Variants in COL19A1 observed in about 807,000 individuals in gnomAD.
COL19A1 encodes collagen alpha-1(XIX) chain.
A neutral mutation model predicts 190.2 loss-of-function variants in COL19A1; 159 were observed. The observed-to-expected ratio is 0.84, with a 90% CI of 0.73 to 0.95. The LOEUF is 0.95. Among genes scored for constraint, COL19A1 ranks in the 40% least tolerant of loss-of-function variants. COL19A1 has a pLI of 0.00. For missense variants in COL19A1, 1,418 were observed against 1,431.9 expected, an observed-to-expected ratio of 0.99 and a Z score of 0.16; for synonymous variants, 509 against 458.9, an observed-to-expected ratio of 1.11 and a Z score of -1.39.
intron 9 of COL19A1, among the ~76,000 whole-genome samples, chr6:69,942,249 CAT>C (rs1351588481): frequency 2.6e-5 from 4 of 152,082 alleles, no homozygotes; most frequent in Admixed American, 6.6e-5. Flanking sequence ...TGTTAATTGA[CAT>C]AACAATTATA....
intron 15 of COL19A1, among the ~76,000 whole-genome samples, chr6:70,096,807 A>G (rs1783304966): frequency 6.6e-6 from 1 of 152,158 alleles, no homozygotes; most frequent in African/African-American, 2.4e-5. Flanking sequence ...CAGCATCAGC[A>G]TTACTGCAAA....
rs113889038 is a variant in COL19A1 at position 69,930,863 on chromosome 6, A to T, written c.666+1163A>T. ...CCACAATTTGAGGCTAAAGAATATCACGTGAATCCTTATAAAAAGGATATA... is the reference window on the plus strand; with the variant it reads ...CCACAATTTGAGGCTAAAGAATATCTCGTGAATCCTTATAAAAAGGATATA... On this transcript the variant is annotated intron_variant, in intron 6 of 50. Transcript: ENST00000620364. Among the ~76,000 whole-genome samples the T allele has an allele frequency of 2.3e-3, 347 of 152,180 alleles. 2 individuals are homozygous for T. The highest frequency in any genetic ancestry group is 8.0e-3 in the African/African-American group (332 of 41,520).
At chr6:70,177,436 C>T (rs1765884382) in intron 42 of COL19A1, among the ~76,000 whole-genome samples, 1 of 152,078 alleles carries the variant, frequency 6.6e-6, no homozygotes, top group Non-Finnish European at 1.5e-5. Flanking sequence ...TGCCATCCCA[C>T]AAAGTGCTCA....
chr6:69,998,071 T>A (rs1777026407), intron 11 of COL19A1, among the ~76,000 whole-genome samples: 1 of 152,064 alleles, frequency 6.6e-6, no homozygotes, highest in African/African-American at 2.4e-5. Flanking sequence ...AATGACATAC[T>A]CAAAGTGCAA....
At chr6:69,937,692 G>GATTAAGGGAAAC (rs1174532657) in intron 8 of COL19A1, among the ~76,000 whole-genome samples, 1 of 152,104 alleles carries the variant, frequency 6.6e-6, no homozygotes, top group African/African-American at 2.4e-5. Flanking sequence ...TGGGGTGAAA[G>GATTAAGGGAAAC]TTTAAGGGAA....
intron 37 of COL19A1, among the ~76,000 whole-genome samples, chr6:70,167,811 G>T (rs984802348): frequency 6.6e-6 from 1 of 152,272 alleles, no homozygotes; most frequent in African/African-American, 2.4e-5. Context: ...TTCAGGTGTA[G>T]CTCACACTCC....
At chr6:70,200,163 A>G (rs1022108800) in intron 49 of COL19A1, among the ~76,000 whole-genome samples, 1 of 152,182 alleles carries the variant, frequency 6.6e-6, no homozygotes, top group Admixed American at 6.5e-5. Context: ...TCAACGACAA[A>G]TAGTTATTTG....
At chr6:70,189,298 A>G (rs1482174734) in intron 47 of COL19A1, among the ~76,000 whole-genome samples, 1 of 152,216 alleles carries the variant, frequency 6.6e-6, no homozygotes, top group African/African-American at 2.4e-5. Flanking sequence ...CCTACCCAAG[A>G]ATGTTTATAA....
At chr6:69,936,081 T>A (rs984866116) in intron 7 of COL19A1, among the ~76,000 whole-genome samples, 1 of 152,112 alleles carries the variant, frequency 6.6e-6, no homozygotes, top group Admixed American at 6.6e-5. Flanking sequence ...GTCTGGTACA[T>A]GATGTTGAGA....
intron 9 of COL19A1, among the ~76,000 whole-genome samples, chr6:69,940,696 C>T (rs560001625): frequency 6.6e-6 from 1 of 152,272 alleles, no homozygotes; most frequent in African/African-American, 2.4e-5. Context: ...ATAATCTACA[C>T]AACGAATAAC....
At position 69,879,665 on chromosome 6, in the gene COL19A1, A is replaced by C. The variant is rs1466455667; in HGVS notation, c.91+7A>C. ...ACCGTTAGGGACAAGACAGGTATCC[A>C]GGCCAACTCTTTGCCTAATCACCAA... On this transcript the variant is annotated splice_region_variant and intron_variant, in intron 2 of 50. Coordinates refer to ENST00000620364, the MANE Select transcript of COL19A1 (RefSeq NM_001858.6). 1 of 1,613,530 alleles carries C rather than the reference A, an allele frequency of 6.2e-7. No homozygotes were observed. The highest frequency in any genetic ancestry group is 1.7e-5 in the Admixed American group (1 of 60,004).
At chr6:69,998,437 G>C (rs374562238) in intron 11 of COL19A1, among the ~76,000 whole-genome samples, 1 of 151,850 alleles carries the variant, frequency 6.6e-6, no homozygotes, top group African/African-American at 2.4e-5. Flanking sequence ...CTGAGATCAG[G>C]AGTTCGAGAC....
chr6:70,130,411 A>C (rs1234037621), intron 18 of COL19A1, among the ~76,000 whole-genome samples, 188 bp downstream of exon 18: 1 of 152,212 alleles, frequency 6.6e-6, no homozygotes, highest in Non-Finnish European at 1.5e-5. Context: ...TTTTTAGTAG[A>C]GACAGAGTTT....
intron 18 of COL19A1, among the ~76,000 whole-genome samples, chr6:70,135,658 A>G (rs1237054564): frequency 6.6e-6 from 1 of 152,188 alleles, no homozygotes. Flanking sequence ...CAGCCAGCAA[A>G]GAGACCGGAA....
intron 15 of COL19A1, among the ~76,000 whole-genome samples, chr6:70,090,907 C>T (rs570597693): frequency 6.6e-6 from 1 of 152,106 alleles, no homozygotes. Context: ...AGAATTTGTT[C>T]TTGCTGTTCC....
At chr6:70,161,506 G>C (rs889616011) in intron 34 of COL19A1, among the ~76,000 whole-genome samples, 1 of 152,076 alleles carries the variant, frequency 6.6e-6, no homozygotes, top group Non-Finnish European at 1.5e-5. Context: ...TTACTTATAA[G>C]TGAGGGCTAA....
intron 4 of COL19A1, among the ~76,000 whole-genome samples, chr6:69,921,194 AT>A (rs1771740982): frequency 7.6e-6 from 1 of 131,356 alleles, no homozygotes; most frequent in South Asian, 2.3e-4. Context: ...ATTCATATAT[AT>A]ATCACATATA....
At chr6:70,019,558 G>A (rs1432895344) in intron 11 of COL19A1, among the ~76,000 whole-genome samples, 1 of 152,056 alleles carries the variant, frequency 6.6e-6, no homozygotes, top group African/African-American at 2.4e-5. Flanking sequence ...TTAAATTCTG[G>A]TACTTTTTGA....
chr6:69,877,887 C>T (rs1443152730), intron 1 of COL19A1, among the ~76,000 whole-genome samples: 1 of 152,020 alleles, frequency 6.6e-6, no homozygotes, highest in Non-Finnish European at 1.5e-5. Flanking sequence ...TGCCTGTAAT[C>T]CCAGCTACTC....
Sources: gnomAD v4.1 joint callset for allele counts (sites outside exome capture counted in the v4.1 genomes callset) on GRCh38, gnomAD v4.1.1 for gene constraint, MANE v1.5 for transcripts, NCBI Gene and HGNC (gene_info 2026-07-23, HGNC 2026-07-21) for gene names.